HMBOX1: variants seen among roughly 807,000 people sequenced by gnomAD.
The protein encoded by HMBOX1 is homeobox containing 1.
A neutral mutation model predicts 54.5 loss-of-function variants in HMBOX1; 14 were observed. The observed-to-expected ratio is 0.26, with a 90% CI of 0.17 to 0.40. The LOEUF (loss-of-function observed/expected upper bound fraction) is 0.40, where lower values mean the gene tolerates loss of function less well. HMBOX1 is among the 10% of genes least tolerant of loss of function. The pLI, the probability that HMBOX1 is intolerant of heterozygous loss-of-function variation, is 1.00. For missense variants in HMBOX1, 332 were observed against 514.4 expected, an observed-to-expected ratio of 0.65 and a Z score of 3.43; for synonymous variants, 160 against 181.0, an observed-to-expected ratio of 0.88 and a Z score of 0.93.
intron 1 of HMBOX1, among the ~76,000 whole-genome samples, chr8:28,900,267 A>ATATATATATATATATAT (rs1243910972): frequency 2.0e-4 from 11 of 54,530 alleles, no homozygotes; most frequent in Non-Finnish European, 3.8e-4. Flanking sequence ...AAAAAAAAAA[A>ATATATATATATATATAT]AAAAATATAT....
chr8:28,903,490 T>C, intron 1 of HMBOX1, among the ~76,000 whole-genome samples: 1 of 152,084 alleles, frequency 6.6e-6, no homozygotes, highest in East Asian at 1.9e-4. Flanking sequence ...TTGCATCTCC[T>C]TTTTTTTCTC....
intron 1 of HMBOX1, among the ~76,000 whole-genome samples, chr8:28,897,839 A>G (rs1563345035): frequency 1.3e-5 from 2 of 152,282 alleles, no homozygotes; most frequent in Non-Finnish European, 1.5e-5. Context: ...TTGTCAGATT[A>G]ATTGATTGTC....
chr8:28,962,743 A>C (rs1825822127), intron 1 of HMBOX1, among the ~76,000 whole-genome samples: 1 of 152,152 alleles, frequency 6.6e-6, no homozygotes, highest in Non-Finnish European at 1.5e-5. Context: ...AAATCTTCCT[A>C]GTTCTCTCTA....
intron 1 of HMBOX1, among the ~76,000 whole-genome samples, chr8:28,926,764 C>T (rs1422163851): frequency 6.6e-6 from 1 of 152,124 alleles, no homozygotes; most frequent in Non-Finnish European, 1.5e-5. Context: ...GAGATGGGGT[C>T]ACTCTTCTGG....
At chr8:28,963,138 C>T (rs1414802413) in intron 1 of HMBOX1, among the ~76,000 whole-genome samples, 4 of 152,136 alleles carry the variant, frequency 2.6e-5, no homozygotes, top group African/African-American at 9.7e-5. Context: ...GCATGTGCCA[C>T]CACCCCCGGC....
At chr8:28,980,651 C>G (rs1336375431) in intron 4 of HMBOX1, among the ~76,000 whole-genome samples, 1 of 152,006 alleles carries the variant, frequency 6.6e-6, no homozygotes, top group Non-Finnish European at 1.5e-5. Context: ...TCTTTATATC[C>G]CATCCCATTC....
intron 1 of HMBOX1, among the ~76,000 whole-genome samples, chr8:28,892,182 G>T (rs547497092): frequency 7.2e-4 from 110 of 152,266 alleles, no homozygotes; most frequent in South Asian, 5.6e-3. Flanking sequence ...TATGCTGCAG[G>T]TAATTATCAC....
At position 28,920,715 on chromosome 8, in the gene HMBOX1, G is replaced by A. The variant is rs188794465; in HGVS notation, c.-58+30037G>A. Among the ~76,000 whole-genome samples the A allele has an allele frequency of 3.0e-3, 463 of 152,294 alleles. 1 individual carries two copies. The highest frequency in any genetic ancestry group is 0.011 in the African/African-American group (439 of 41,564). ...GCCATAATAGAAACATGCTCAAGGTGGTGTAGAAGGAAAGTGCTTAATCTG... is the reference window on the plus strand; with the variant it reads ...GCCATAATAGAAACATGCTCAAGGTAGTGTAGAAGGAAAGTGCTTAATCTG... On this transcript the variant is annotated intron_variant, in intron 1 of 9. Coordinates refer to ENST00000287701, the MANE Select transcript of HMBOX1 (RefSeq NM_001135726.3).
chr8:28,971,359 G>A (rs904205576), intron 3 of HMBOX1, among the ~76,000 whole-genome samples: 1 of 152,112 alleles, frequency 6.6e-6, no homozygotes, highest in African/African-American at 2.4e-5. Flanking sequence ...CCAAAGTGCT[G>A]GGATTACAGG....
rs1436622338 is a variant in HMBOX1 at position 28,983,660 on chromosome 8, C to T, written c.586+3504C>T. On this transcript the variant is annotated intron_variant, in intron 4 of 9. Coordinates refer to ENST00000287701, the MANE Select transcript of HMBOX1 (RefSeq NM_001135726.3). The stretch of plus-strand genomic sequence containing the variant: ...CTCTGAACTTTCCATGTTTACCTAG[C>T]TACCTTGTAGTGTAAGAGGAGAACA... 3.9e-5 allele frequency among the ~76,000 whole-genome samples: 6 copies of T among 152,312 alleles called. No homozygotes were observed. The East Asian group carries it at 1.2e-3, about 29-fold the overall frequency.
intron 8 of HMBOX1, 38 bp downstream of exon 8, chr8:29,047,491 A>C (rs1271770116): frequency 9.9e-7 from 1 of 1,014,768 alleles, no homozygotes; most frequent in East Asian, 2.4e-5. Context: ...CTTGTGCAGC[A>C]GTTGTGAACG....
At chr8:29,012,059 G>GTTA (rs1834293678) in intron 5 of HMBOX1, among the ~76,000 whole-genome samples, 1 of 152,170 alleles carries the variant, frequency 6.6e-6, no homozygotes, top group African/African-American at 2.4e-5. Flanking sequence ...AGATAAGAGG[G>GTTA]TAAGTTCGTA....
In HMBOX1 at chr8:28,992,860, ACT is replaced by A. The variant is rs1350489665; in HGVS notation, c.586+12707_586+12708del. ...ACTCCAGCCTGGGTGACAGTGCGAG[ACT>A]CTGTCTCAAAAAAAAAAAAAAAAAA... On this transcript the variant is annotated intron_variant, in intron 4 of 9. Coordinates refer to ENST00000287701, the MANE Select transcript of HMBOX1 (RefSeq NM_001135726.3). Among the ~76,000 whole-genome samples the A allele has an allele frequency of 4.0e-5, 4 of 99,104 alleles. No individual in the cohort carries two copies. In the South Asian group the frequency reaches 1.2e-3, roughly 30 times the overall value. 65.0% of individuals were successfully genotyped at this position (99,104 alleles called of 152,430 possible).
rs1447454996 is a variant in HMBOX1, at chr8:29,052,487, C to T, written c.*1332C>T. On this transcript the variant is annotated 3_prime_UTR_variant, in exon 10 of 10. Coordinates refer to ENST00000287701, the MANE Select transcript of HMBOX1 (RefSeq NM_001135726.3). ...CTAATGGAATTTTTTTCCTTGATCA[C>T]ATATGTAGCACTTTTGTTACTTTTT... 6.6e-6 allele frequency: 1 copy of T among 152,166 alleles called. No individual in the cohort carries two copies. The highest frequency in any genetic ancestry group is 1.5e-5 in the Non-Finnish European group (1 of 68,034). 9.4% of individuals were successfully genotyped at this position (152,166 alleles called of 1,614,324 possible).
At chr8:28,900,976 T>G (rs1001181545) in intron 1 of HMBOX1, among the ~76,000 whole-genome samples, 6 of 152,302 alleles carry the variant, frequency 3.9e-5, no homozygotes, top group Non-Finnish European at 7.4e-5. Context: ...GCAAATCTGA[T>G]CTCCACTACT....
chr8:28,931,419 T>C (rs1819450374), intron 1 of HMBOX1, among the ~76,000 whole-genome samples: 1 of 152,194 alleles, frequency 6.6e-6, no homozygotes, highest in Non-Finnish European at 1.5e-5. Context: ...TGACAACTTA[T>C]TAGATAATCT....
chr8:28,914,634 A>G (rs1816171130), intron 1 of HMBOX1, among the ~76,000 whole-genome samples: 1 of 152,232 alleles, frequency 6.6e-6, no homozygotes, highest in Non-Finnish European at 1.5e-5. Flanking sequence ...AGCTAATGTG[A>G]CATTGAAGCC....
At chr8:28,932,846 G>A (rs1819694924) in intron 1 of HMBOX1, among the ~76,000 whole-genome samples, 1 of 152,158 alleles carries the variant, frequency 6.6e-6, no homozygotes, top group South Asian at 2.1e-4. Flanking sequence ...CTGTTGCTTG[G>A]AGTGCCTTCA....
chr8:28,917,291 CTT>C (rs1816738325), intron 1 of HMBOX1, among the ~76,000 whole-genome samples: 1 of 152,010 alleles, frequency 6.6e-6, no homozygotes, highest in African/African-American at 2.4e-5. Flanking sequence ...ATTTATTAGA[CTT>C]ATGCCTAAAT....
Sources: allele counts gnomAD v4.1 joint callset (sites outside exome capture counted in the v4.1 genomes callset), GRCh38; gene constraint gnomAD v4.1.1; transcripts MANE v1.5; gene names NCBI Gene and HGNC (gene_info 2026-07-23, HGNC 2026-07-21).